The following LARGE1 variants were observed in gnomAD, a reference collection of about 807,000 sequenced individuals.
LARGE1 encodes the protein LARGE xylosyl- and glucuronyltransferase 1, also known as xylosyl- and glucuronyltransferase LARGE1.
Under a neutral mutation model 87.6 loss-of-function variants are expected in LARGE1, and 43 were observed. That is an observed-to-expected ratio of 0.49 (90% confidence interval 0.38 to 0.63). LARGE1 has a LOEUF of 0.63. Among genes scored for constraint, LARGE1 ranks in the 30% least tolerant of loss-of-function variants. LARGE1 has a pLI of 0.00. For missense variants in LARGE1, 802 were observed against 1,000.2 expected, an observed-to-expected ratio of 0.80 and a Z score of 2.67; for synonymous variants, 434 against 394.6, an observed-to-expected ratio of 1.10 and a Z score of -1.18.
the LARGE1 span, among the ~76,000 whole-genome samples, chr22:33,069,184 C>T: frequency 4.6e-5 from 7 of 152,080 alleles, no homozygotes; most frequent in South Asian, 2.1e-4. Flanking sequence ...GCCATTTAGA[C>T]GCCATTCCTC....
intron 11 of LARGE1, among the ~76,000 whole-genome samples, chr22:33,184,683 C>T (rs1923379645): frequency 6.6e-6 from 1 of 151,838 alleles, no homozygotes; most frequent in Non-Finnish European, 1.5e-5. Flanking sequence ...AAAAACATAT[C>T]TATACAAAAA....
At chr22:33,404,800 G>A (rs887017463) in intron 7 of LARGE1, among the ~76,000 whole-genome samples, 15 of 152,310 alleles carry the variant, frequency 9.8e-5, no homozygotes, top group South Asian at 2.1e-4. Flanking sequence ...AAGGGGGAAG[G>A]GGGTTGGAGC....
chr22:33,775,024 C>A (rs779734035), intron 1 of LARGE1, among the ~76,000 whole-genome samples: 8 of 152,158 alleles, frequency 5.3e-5, no homozygotes, highest in Non-Finnish European at 7.4e-5. Context: ...CCGGATTTAA[C>A]TGGATGTGAC....
intron 11 of LARGE1, among the ~76,000 whole-genome samples, chr22:33,190,396 T>C (rs1923713636): frequency 6.6e-6 from 1 of 152,234 alleles, no homozygotes; most frequent in Non-Finnish European, 1.5e-5. Context: ...CAGCTCCTTC[T>C]GCAGCTGCAA....
intron 1 of LARGE1, among the ~76,000 whole-genome samples, chr22:33,845,029 T>C (rs1208274371): frequency 6.6e-6 from 1 of 152,074 alleles, no homozygotes; most frequent in African/African-American, 2.4e-5. Context: ...CAAACTTTTC[T>C]TTCTATAAAT....
At chr22:33,470,489 A>G (rs2068783049) in intron 6 of LARGE1, among the ~76,000 whole-genome samples, 1 of 152,142 alleles carries the variant, frequency 6.6e-6, no homozygotes, top group South Asian at 2.1e-4. Flanking sequence ...TTTGCCCTCA[A>G]AGATCTTAGA....
chr22:33,387,794 T>C (rs2065380947), intron 7 of LARGE1, among the ~76,000 whole-genome samples: 1 of 152,204 alleles, frequency 6.6e-6, no homozygotes, highest in African/African-American at 2.4e-5. Flanking sequence ...ATTTTTAAAA[T>C]TATGAACTAT....
At chr22:33,606,576 TC>T (rs932798393) in intron 4 of LARGE1, among the ~76,000 whole-genome samples, 1 of 151,950 alleles carries the variant, frequency 6.6e-6, no homozygotes, top group Non-Finnish European at 1.5e-5. Flanking sequence ...TCTCTCAGTT[TC>T]CCGCCCCCTA....
At chr22:33,480,720 C>A (rs1159316357) in intron 6 of LARGE1, among the ~76,000 whole-genome samples, 4 of 152,066 alleles carry the variant, frequency 2.6e-5, no homozygotes, top group Admixed American at 1.3e-4. Context: ...GAGTAAGTTA[C>A]TTGCAATCTT....
the LARGE1 span, among the ~76,000 whole-genome samples, chr22:33,126,655 T>C: frequency 1.3e-5 from 2 of 152,342 alleles, no homozygotes; most frequent in South Asian, 4.1e-4. Context: ...TTCACATCTA[T>C]AAAATGTATG....
the LARGE1 span, among the ~76,000 whole-genome samples, chr22:33,080,206 C>T: frequency 1.3e-5 from 2 of 152,208 alleles, no homozygotes; most frequent in Non-Finnish European, 2.9e-5. Context: ...GTAGTGTCTA[C>T]TATGTGCCAG....
intron 5 of LARGE1, among the ~76,000 whole-genome samples, chr22:33,602,669 T>C (rs1332990399): frequency 6.6e-6 from 1 of 151,942 alleles, no homozygotes; most frequent in Non-Finnish European, 1.5e-5. Flanking sequence ...CCGTCACACT[T>C]GGCTAATTTT....
the LARGE1 span, among the ~76,000 whole-genome samples, chr22:33,074,549 C>A: frequency 1.3e-5 from 2 of 152,026 alleles, no homozygotes; most frequent in Non-Finnish European, 2.9e-5. Flanking sequence ...GTGCCGCGTG[C>A]CTGTAGTCCC....
intron 4 of LARGE1, among the ~76,000 whole-genome samples, chr22:33,618,128 A>C (rs2079633885): frequency 6.6e-6 from 1 of 152,250 alleles, no homozygotes; most frequent in African/African-American, 2.4e-5. Flanking sequence ...TTACAGATTT[A>C]ATAGGACTCA....
chr22:33,328,441 A>C (rs1354114158), intron 10 of LARGE1, among the ~76,000 whole-genome samples: 1 of 152,044 alleles, frequency 6.6e-6, no homozygotes, highest in African/African-American at 2.4e-5. Context: ...TTAGCCTGGC[A>C]TGGTGGCAGG....
chr22:33,867,165 C>T (rs540457980), intron 1 of LARGE1, among the ~76,000 whole-genome samples: 1 of 152,118 alleles, frequency 6.6e-6, no homozygotes, highest in African/African-American at 2.4e-5. Flanking sequence ...GTTAATTACC[C>T]CACGGTGGAT....
intron 11 of LARGE1, among the ~76,000 whole-genome samples, chr22:33,226,554 C>T (rs1393343583): frequency 6.6e-6 from 1 of 152,202 alleles, no homozygotes; most frequent in Non-Finnish European, 1.5e-5. Flanking sequence ...CCTCACTTAT[C>T]TACCCAGACA....
At chr22:33,241,049 C>G (rs1366922929) in intron 11 of LARGE1, among the ~76,000 whole-genome samples, 1 of 152,206 alleles carries the variant, frequency 6.6e-6, no homozygotes, top group East Asian at 1.9e-4. Flanking sequence ...GGCTTGGTAT[C>G]AAGGCACTCC....
chr22:33,819,519 A>C (rs1050017917), intron 1 of LARGE1, among the ~76,000 whole-genome samples: 3 of 151,884 alleles, frequency 2.0e-5, no homozygotes, highest in African/African-American at 7.3e-5. Flanking sequence ...AATTTCCCTG[A>C]TACCAACAAA....
Sources: gnomAD v4.1 joint callset for allele counts (sites outside exome capture counted in the v4.1 genomes callset) on GRCh38, gnomAD v4.1.1 for gene constraint, MANE v1.5 for transcripts, NCBI Gene and HGNC (gene_info 2026-07-23, HGNC 2026-07-21) for gene names.